PEX13: variants seen among roughly 807,000 people sequenced by gnomAD.
PEX13 encodes peroxisomal biogenesis factor 13.
A neutral mutation model predicts 34.5 loss-of-function variants in PEX13; 28 were observed. The observed-to-expected ratio is 0.81, with a 90% CI of 0.60 to 1.11. PEX13 has a LOEUF of 1.11. Among genes scored for constraint, PEX13 ranks in the 50% most tolerant of loss-of-function variants. The pLI is 0.00. For synonymous variants in PEX13, 177 were observed against 175.1 expected, an observed-to-expected ratio of 1.01 and a Z score of -0.09; for missense variants, 550 against 491.0, an observed-to-expected ratio of 1.12 and a Z score of -1.13.
chr2:61,032,907 TC>T (rs1366265361), intron 2 of PEX13, among the ~76,000 whole-genome samples: 2 of 152,218 alleles, frequency 1.3e-5, no homozygotes, highest in African/African-American at 4.8e-5. Flanking sequence ...TTGGTAGTTG[TC>T]CTATAGTATT....
At chr2:61,020,124 G>T (rs2104794784) in intron 1 of PEX13, among the ~76,000 whole-genome samples, 1 of 152,262 alleles carries the variant, frequency 6.6e-6, no homozygotes, top group East Asian at 1.9e-4. Context: ...TAATCAGGAG[G>T]CTGAGGCAGG....
At chr2:61,018,541 G>T in intron 1 of PEX13, 1 of 312,386 alleles carries the variant, frequency 3.2e-6, no homozygotes, top group Non-Finnish European at 5.8e-6. Flanking sequence ...AACATGCAGA[G>T]TTGGGAGTGT....
intron 1 of PEX13, among the ~76,000 whole-genome samples, chr2:61,021,990 A>G (rs904557884): frequency 6.6e-6 from 1 of 152,190 alleles, no homozygotes; most frequent in South Asian, 2.1e-4. Flanking sequence ...AACATCAACA[A>G]AAAGGACATC....
At chr2:61,018,555 G>A (rs1680165390) in intron 1 of PEX13, 1 of 266,068 alleles carries the variant, frequency 3.8e-6, no homozygotes, top group Non-Finnish European at 7.1e-6. Flanking sequence ...GGAGTGTTTC[G>A]TGGCCTCGTG....
intron 2 of PEX13, among the ~76,000 whole-genome samples, chr2:61,043,352 A>AG (rs1491402098): frequency 6.8e-5 from 10 of 147,006 alleles, no homozygotes; most frequent in Admixed American, 1.4e-4. Context: ...AAAAAAAAAA[A>AG]CAAATTTTCA....
chr2:61,027,621 G>GTAA (rs1680382094), intron 1 of PEX13, among the ~76,000 whole-genome samples: 4 of 152,164 alleles, frequency 2.6e-5, no homozygotes, highest in African/African-American at 9.7e-5. Flanking sequence ...CTTCATTGAA[G>GTAA]CCTGCATCTT....
At chr2:61,026,004 C>G (rs1300292722) in intron 1 of PEX13, among the ~76,000 whole-genome samples, 1 of 152,076 alleles carries the variant, frequency 6.6e-6, no homozygotes, top group African/African-American at 2.4e-5. Context: ...AAATCTCTGC[C>G]CAGCTTCTCA....
chr2:61,023,592 G>A (rs1398777707), intron 1 of PEX13, among the ~76,000 whole-genome samples: 1 of 151,826 alleles, frequency 6.6e-6, no homozygotes, highest in Non-Finnish European at 1.5e-5. Context: ...GCATTATATC[G>A]GGACTAGTGT....
chr2:61,027,229 T>C (rs1448838298), intron 1 of PEX13, among the ~76,000 whole-genome samples: 4 of 150,658 alleles, frequency 2.7e-5, no homozygotes, highest in African/African-American at 9.8e-5. Context: ...TCCCAGCTAC[T>C]TGGGAAGCTG....
intron 2 of PEX13, among the ~76,000 whole-genome samples, chr2:61,037,697 A>G (rs1680558703): frequency 6.6e-6 from 1 of 152,214 alleles, no homozygotes; most frequent in African/African-American, 2.4e-5. Context: ...TCACAATTAA[A>G]AGAACTAGAG....
At chr2:61,045,654 A>G in intron 2 of PEX13, 72 bp from the exon 3 acceptor site, 1 of 1,389,238 alleles carries the variant, frequency 7.2e-7, no homozygotes, top group Non-Finnish European at 1.0e-6. Context: ...GCAGTTTGCA[A>G]GCCATAGCCA....
chr2:61,029,407 T>G (rs1262160391), intron 1 of PEX13, among the ~76,000 whole-genome samples: 1 of 152,110 alleles, frequency 6.6e-6, no homozygotes, highest in Non-Finnish European at 1.5e-5. Flanking sequence ...AATGGTACAG[T>G]TGCTTTGGAA....
Position 61,051,043 on chromosome 2 carries a change from G to GA in PEX13, c.*2276dup, listed in dbSNP as rs1194949516. On this transcript the variant is annotated 3_prime_UTR_variant, in exon 4 of 4. Coordinates refer to ENST00000295030, the MANE Select transcript of PEX13 (RefSeq NM_002618.4). ...GAAGAACTTTACTAAAGGCTTCTTG[G>GA]AAAGCCCTTTTTTGAAACGACAGTA... 1.3e-5 allele frequency: 2 copies of GA among 152,322 alleles called. No individual in the cohort carries two copies. The highest frequency in any genetic ancestry group is 4.8e-5 in the African/African-American group (2 of 41,426). 9.4% of individuals were successfully genotyped at this position (152,322 alleles called of 1,614,324 possible). A position where few individuals can be genotyped will look rare whatever the true frequency, so the allele number is the denominator to read the frequency against.
At chr2:61,021,589 A>C (rs1369522969) in intron 1 of PEX13, among the ~76,000 whole-genome samples, 1 of 152,224 alleles carries the variant, frequency 6.6e-6, no homozygotes, top group Admixed American at 6.5e-5. Context: ...CTCTGTGGGC[A>C]GGGCATAGCT....
intron 2 of PEX13, among the ~76,000 whole-genome samples, chr2:61,039,150 A>G (rs1463803239): frequency 6.6e-6 from 1 of 152,224 alleles, no homozygotes; most frequent in Non-Finnish European, 1.5e-5. Context: ...AATCAATATC[A>G]TGAAAATGGC....
chr2:61,034,031 C>G lies in PEX13; in HGVS notation c.787+1918C>G, dbSNP rs558284357. On this transcript the variant is annotated intron_variant, in intron 2 of 3. Transcript: ENST00000295030. ...TTTCTTCGGGAGACAGAGTCTTGCT[C>G]TGTCACCCAGGCTGGAGTGCAGTGG... is the stretch of plus-strand genomic sequence containing the variant. Among the ~76,000 whole-genome samples the G allele has an allele frequency of 5.3e-5, 8 of 151,904 alleles. No individual in the cohort carries two copies. In the East Asian group the frequency reaches 7.7e-4, roughly 15 times the overall value.
At chr2:61,028,351 G>A (rs1680394349) in intron 1 of PEX13, among the ~76,000 whole-genome samples, 1 of 151,728 alleles carries the variant, frequency 6.6e-6, no homozygotes, top group Non-Finnish European at 1.5e-5. Flanking sequence ...AACAACACTT[G>A]GGGGAAACAC....
At chr2:61,041,283 T>G (rs1680622301) in intron 2 of PEX13, among the ~76,000 whole-genome samples, 2 of 152,186 alleles carry the variant, frequency 1.3e-5, no homozygotes, top group South Asian at 4.1e-4. Context: ...GAGCTGAGAT[T>G]GTACCACTGT....
At chr2:61,032,515 T>G (rs956015711) in intron 2 of PEX13, among the ~76,000 whole-genome samples, 3 of 152,238 alleles carry the variant, frequency 2.0e-5, no homozygotes, top group Non-Finnish European at 1.5e-5. Context: ...TGCAAGACAC[T>G]GTGCTAGGTA....
Sources: allele counts gnomAD v4.1 joint callset (sites outside exome capture counted in the v4.1 genomes callset), GRCh38; gene constraint gnomAD v4.1.1; transcripts MANE v1.5; gene names NCBI Gene and HGNC (gene_info 2026-07-23, HGNC 2026-07-21).